The following PRKCH variants were observed in gnomAD, a reference collection of about 807,000 sequenced individuals.
PRKCH encodes the protein protein kinase C eta type.
A neutral mutation model predicts 82.5 loss-of-function variants in PRKCH; 28 were observed. That is an observed-to-expected ratio of 0.34 (90% CI 0.25 to 0.47). PRKCH has a LOEUF of 0.47. PRKCH is among the 20% of genes least tolerant of loss of function. The pLI, the probability that PRKCH is intolerant of heterozygous loss-of-function variation, is 1.00. For synonymous variants in PRKCH, 322 were observed against 327.4 expected (o/e 0.98, Z 0.18); for missense variants, 705 against 881.8 (o/e 0.80, Z 2.54).
At chr14:61,192,670 C>A (rs985793019) in intron 1 of PRKCH, among the ~76,000 whole-genome samples, 3 of 152,116 alleles carry the variant, frequency 2.0e-5, no homozygotes, top group African/African-American at 7.2e-5. Context: ...GCTTTCTGAC[C>A]TAAATGTTCA....
At chr14:61,192,850 C>CT (rs2140033417) in intron 1 of PRKCH, among the ~76,000 whole-genome samples, 1 of 152,314 alleles carries the variant, frequency 6.6e-6, no homozygotes, top group South Asian at 2.1e-4. Context: ...CCTTCCCTTC[C>CT]TTTTAAAATA....
intron 1 of PRKCH, among the ~76,000 whole-genome samples, chr14:61,214,840 C>T (rs1476450307): frequency 1.3e-5 from 2 of 152,092 alleles, no homozygotes; most frequent in Non-Finnish European, 2.9e-5. Flanking sequence ...TCTTTTTGTC[C>T]AGCAAATCAT....
chr14:61,190,464 T>C (rs922040177), intron 1 of PRKCH, among the ~76,000 whole-genome samples: 5 of 152,176 alleles, frequency 3.3e-5, no homozygotes, highest in African/African-American at 1.2e-4. Context: ...CAGCAGTCAG[T>C]ATGGTCTTTT....
intron 1 of PRKCH, among the ~76,000 whole-genome samples, chr14:61,196,834 TAAG>T (rs1313672118): frequency 1.3e-5 from 2 of 152,174 alleles, no homozygotes; most frequent in Non-Finnish European, 2.9e-5. Context: ...GATTCAGCAA[TAAG>T]AAGATCATTG....
At chr14:61,263,153 T>C (rs886402659) in intron 1 of PRKCH, among the ~76,000 whole-genome samples, 2 of 152,194 alleles carry the variant, frequency 1.3e-5, no homozygotes, top group African/African-American at 4.8e-5. Flanking sequence ...ATCTCCCTAT[T>C]TGATCCTCTC....
chr14:61,505,206 T>C (rs1012473578), intron 10 of PRKCH, among the ~76,000 whole-genome samples: 2 of 152,034 alleles, frequency 1.3e-5, no homozygotes, highest in African/African-American at 2.4e-5. Flanking sequence ...TTGGGTGGCT[T>C]GTAAACAACA....
rs58017113 is a variant in PRKCH, at chr14:61,453,628, TCCCTTC to T, written c.960+296_960+301del. 0.017 allele frequency among the ~76,000 whole-genome samples: 2,565 copies of T among 149,216 alleles called. 154 individuals carry two copies. The East Asian group carries it at 0.24, about 14-fold the overall frequency. ...TCTCCTTTCCTTTTTCCTTCCTTCC[TCCCTTC>T]CCCTTCCCCTTCCCCTTCCCTGTCT... is the stretch of plus-strand genomic sequence containing the variant. On this transcript the variant is annotated intron_variant, in intron 7 of 13. Coordinates refer to ENST00000332981, the MANE Select transcript of PRKCH (RefSeq NM_006255.5).
At chr14:61,499,357 C>G (rs753952272) in intron 10 of PRKCH, among the ~76,000 whole-genome samples, 2 of 152,162 alleles carry the variant, frequency 1.3e-5, no homozygotes, top group African/African-American at 2.4e-5. Context: ...TGATGAATTT[C>G]TCAGTTCAGT....
intron 10 of PRKCH, among the ~76,000 whole-genome samples, chr14:61,508,744 G>T (rs1272197923): frequency 6.6e-6 from 1 of 152,052 alleles, no homozygotes; most frequent in Non-Finnish European, 1.5e-5. Context: ...ATATGGTAAG[G>T]ATGAAAAACA....
At chr14:61,279,878 A>G in intron 1 of PRKCH, 1 of 572,746 alleles carries the variant, frequency 1.7e-6, no homozygotes, top group Non-Finnish European at 3.1e-6. Flanking sequence ...GTTTGCAAGG[A>G]TGTTTCACTC....
intron 10 of PRKCH, among the ~76,000 whole-genome samples, chr14:61,511,832 T>G (rs1174739692): frequency 7.9e-5 from 12 of 152,158 alleles, no homozygotes; most frequent in African/African-American, 2.7e-4. Flanking sequence ...ATCAAAAACT[T>G]CAAGTTCACT....
rs139169517 is a variant in PRKCH, at chr14:61,377,575, A to G, written c.364-13650A>G. 6.8e-4 allele frequency among the ~76,000 whole-genome samples: 103 copies of G among 152,320 alleles called. 2 individuals are homozygous for G. The South Asian group carries it at 7.9e-3, about 12-fold the overall frequency. On this transcript the variant is annotated intron_variant, in intron 1 of 13. Transcript: ENST00000332981. Reference sequence around the variant, plus strand: ...TAATATTTTTGTCTTCATGGGCCATAAGGTCTCAATCACAGCTACTCATCT... The same window carrying G: ...TAATATTTTTGTCTTCATGGGCCATGAGGTCTCAATCACAGCTACTCATCT...
chr14:61,518,268 C>T (rs2042854401), intron 10 of PRKCH, among the ~76,000 whole-genome samples: 1 of 152,124 alleles, frequency 6.6e-6, no homozygotes. Context: ...AGCTGACCCG[C>T]TGCCAGGTAT....
At chr14:61,469,832 G>C (rs1885419395) in intron 9 of PRKCH, among the ~76,000 whole-genome samples, 1 of 152,106 alleles carries the variant, frequency 6.6e-6, no homozygotes, top group African/African-American at 2.4e-5. Flanking sequence ...AGGGGGGAAG[G>C]TGTTCATTCA....
intron 1 of PRKCH, among the ~76,000 whole-genome samples, chr14:61,217,696 C>T (rs56291714): frequency 0.011 from 1,671 of 152,216 alleles, 16 homozygotes; most frequent in Non-Finnish European, 0.018. Context: ...GAAGTTGGGG[C>T]CAGGCCAGGG....
chr14:61,303,176 A>G (rs762059612), intron 1 of PRKCH: 1 of 152,042 alleles, frequency 6.6e-6, no homozygotes, highest in Non-Finnish European at 1.5e-5. Flanking sequence ...ACAGATGTCT[A>G]TCACCATGCC....
chr14:61,292,749 C>G (rs949557777), intron 1 of PRKCH, among the ~76,000 whole-genome samples: 2 of 117,926 alleles, frequency 1.7e-5, no homozygotes, highest in African/African-American at 6.3e-5. Flanking sequence ...CCAGCCTGGG[C>G]AACAGAGTGA....
At chr14:61,292,409 G>A (rs1013665696) in intron 1 of PRKCH, among the ~76,000 whole-genome samples, 1 of 152,096 alleles carries the variant, frequency 6.6e-6, no homozygotes, top group East Asian at 1.9e-4. Flanking sequence ...TTGAGCCCAG[G>A]AAGTCATGAC....
chr14:61,525,336 C>T (rs1238259268), intron 10 of PRKCH: 1 of 152,202 alleles, frequency 6.6e-6, no homozygotes. Context: ...TTAAATAGCA[C>T]TTGGTATGAG....
Sources: allele counts gnomAD v4.1 joint callset (sites outside exome capture counted in the v4.1 genomes callset), GRCh38; gene constraint gnomAD v4.1.1; transcripts MANE v1.5; gene names NCBI Gene and HGNC (gene_info 2026-07-23, HGNC 2026-07-21).